The following NAALADL2 variants were observed in gnomAD, a reference collection of about 807,000 sequenced individuals.
The protein encoded by NAALADL2 is N-acetylated alpha-linked acidic dipeptidase like 2.
In NAALADL2, 76 loss-of-function variants were observed where a neutral mutation model predicts 87.2. The observed-to-expected ratio is 0.87, with a 90% confidence interval of 0.72 to 1.05. The LOEUF is 1.05. Among genes scored for constraint, NAALADL2 ranks in the 50% least tolerant of loss-of-function variants. The pLI, the probability that NAALADL2 is intolerant of heterozygous loss-of-function variation, is 0.00. For missense variants in NAALADL2, 1,089 were observed against 945.8 expected, an observed-to-expected ratio of 1.15 and a Z score of -1.99; for synonymous variants, 354 against 331.0, an observed-to-expected ratio of 1.07 and a Z score of -0.75.
At chr3:174,450,914 G>A (rs1416144929) in intron 1 of NAALADL2, among the ~76,000 whole-genome samples, 1 of 151,050 alleles carries the variant, frequency 6.6e-6, no homozygotes, top group African/African-American at 2.4e-5. Flanking sequence ...AAAAGACTGG[G>A]AGGGTCAGTT....
chr3:175,268,861 C>A (rs1752371566), intron 4 of NAALADL2, among the ~76,000 whole-genome samples: 1 of 152,058 alleles, frequency 6.6e-6, no homozygotes, highest in African/African-American at 2.4e-5. Context: ...ATGGAGCTGT[C>A]ATCTCCTATG....
intron 1 of NAALADL2, among the ~76,000 whole-genome samples, chr3:175,029,725 A>T (rs1467159173): frequency 6.6e-6 from 1 of 151,988 alleles, no homozygotes; most frequent in Non-Finnish European, 1.5e-5. Flanking sequence ...AGAGAATAAT[A>T]CTCAGACACA....
At chr3:175,109,549 A>G (rs1723822621) in intron 2 of NAALADL2, among the ~76,000 whole-genome samples, 1 of 151,858 alleles carries the variant, frequency 6.6e-6, no homozygotes, top group East Asian at 1.9e-4. Flanking sequence ...AAGGAAGGAA[A>G]GAAAGAAGAG....
In NAALADL2 at chr3:174,882,616, T is replaced by C. The variant is rs62637869; in HGVS notation, c.43+23166T>C. Among the ~76,000 whole-genome samples, 31 of 146,574 alleles carry C rather than the reference T, an allele frequency of 2.1e-4. No individual in the cohort carries two copies. In the East Asian group the frequency reaches 6.2e-3, roughly 29 times the overall value. ...GTATATACACATACATATATGTGCA[T>C]ATGCATATATGTGCATATACACATA... is the stretch of plus-strand genomic sequence containing the variant. On this transcript the variant is annotated intron_variant, in intron 1 of 13. Transcript: ENST00000454872.
intron 2 of NAALADL2, among the ~76,000 whole-genome samples, chr3:174,714,204 C>A (rs1225600259): frequency 6.6e-6 from 1 of 152,058 alleles, no homozygotes; most frequent in South Asian, 2.1e-4. Flanking sequence ...TTTACTGTAG[C>A]CTTGTAGTAT....
chr3:174,588,408 C>T (rs901657671), intron 2 of NAALADL2, among the ~76,000 whole-genome samples: 5 of 152,126 alleles, frequency 3.3e-5, no homozygotes, highest in Admixed American at 6.5e-5. Flanking sequence ...AGCTTTGTTC[C>T]GTTGCTGGTG....
intron 2 of NAALADL2, among the ~76,000 whole-genome samples, chr3:174,643,001 T>G (rs2108736640): frequency 6.6e-6 from 1 of 152,088 alleles, no homozygotes; most frequent in Admixed American, 6.5e-5. Flanking sequence ...AGCCTGGTCT[T>G]GAACTCCTGG....
At chr3:175,573,158 A>G (rs140497779) in intron 9 of NAALADL2, among the ~76,000 whole-genome samples, 1 of 152,214 alleles carries the variant, frequency 6.6e-6, no homozygotes, top group Non-Finnish European at 1.5e-5. Context: ...TTTTCTGTTG[A>G]GAAAAAAATT....
At chr3:174,595,301 C>G (rs1311767124) in intron 2 of NAALADL2, among the ~76,000 whole-genome samples, 3 of 152,036 alleles carry the variant, frequency 2.0e-5, no homozygotes, top group East Asian at 1.9e-4. Context: ...CTCCCTTTCT[C>G]TCTGTCTTAT....
At chr3:174,783,333 G>C (rs1716222461) in intron 3 of NAALADL2, among the ~76,000 whole-genome samples, 1 of 151,980 alleles carries the variant, frequency 6.6e-6, no homozygotes, top group African/African-American at 2.4e-5. Context: ...AGTCTTTTTT[G>C]AATTTCTGTT....
intron 2 of NAALADL2, among the ~76,000 whole-genome samples, chr3:175,168,971 A>G (rs764044672): frequency 1.5e-4 from 23 of 151,902 alleles, no homozygotes; most frequent in Non-Finnish European, 2.5e-4. Context: ...GAAGAGCAAA[A>G]CAGGATAGCT....
intron 2 of NAALADL2, among the ~76,000 whole-genome samples, chr3:175,227,890 A>C (rs1158405408): frequency 6.6e-6 from 1 of 151,956 alleles, no homozygotes; most frequent in Non-Finnish European, 1.5e-5. Context: ...AAACTTGATA[A>C]ATTTAAAATA....
intron 1 of NAALADL2, among the ~76,000 whole-genome samples, chr3:174,521,960 G>C (rs546195413): frequency 5.9e-5 from 9 of 151,976 alleles, no homozygotes; most frequent in Non-Finnish European, 1.2e-4. Context: ...ATAGCCAGGC[G>C]TGGTGGCATG....
At position 175,461,452 on chromosome 3, in the gene NAALADL2, A is replaced by G. The variant is rs574542617; in HGVS notation, c.1235-1949A>G. Among the ~76,000 whole-genome samples the G allele has an allele frequency of 3.3e-5, 5 of 152,290 alleles. No individual in the cohort carries two copies. The East Asian group carries it at 9.7e-4, about 29-fold the overall frequency. On this transcript the variant is annotated intron_variant, in intron 6 of 13. Transcript: ENST00000454872. ...AGTCCCCACTTGACCCAGGAATTCC[A>G]GCTGGCTTCACCTCTCAATCCCCCC...
chr3:174,973,385 T>C (rs888021197), intron 1 of NAALADL2, among the ~76,000 whole-genome samples: 2 of 152,212 alleles, frequency 1.3e-5, no homozygotes, highest in African/African-American at 2.4e-5. Flanking sequence ...GTCAGTCTTA[T>C]TAAAATTGAG....
intron 1 of NAALADL2, among the ~76,000 whole-genome samples, chr3:175,078,710 C>A (rs2109216267): frequency 6.6e-6 from 1 of 152,306 alleles, no homozygotes; most frequent in Admixed American, 6.5e-5. Context: ...TGACTGACTT[C>A]TTTCACGTAG....
At chr3:174,887,767 G>T (rs982628595) in intron 1 of NAALADL2, among the ~76,000 whole-genome samples, 2 of 151,540 alleles carry the variant, frequency 1.3e-5, no homozygotes, top group African/African-American at 2.4e-5. Context: ...CTGTTCTCCA[G>T]CTTGGGCAAC....
At chr3:175,797,309 A>G (rs2184212) in intron 13 of NAALADL2, among the ~76,000 whole-genome samples, 16,025 of 152,176 alleles carry the variant, frequency 0.11, 1,144 homozygotes, top group Non-Finnish European at 0.16. Flanking sequence ...AACTACTAAA[A>G]TGATTTCAAT....
At chr3:175,169,842 G>A (rs1734540933) in intron 2 of NAALADL2, among the ~76,000 whole-genome samples, 1 of 151,752 alleles carries the variant, frequency 6.6e-6, no homozygotes, top group Non-Finnish European at 1.5e-5. Flanking sequence ...TATTTGTTAA[G>A]TTTCTGATAT....
Sources: allele counts gnomAD v4.1 joint callset (sites outside exome capture counted in the v4.1 genomes callset), GRCh38; gene constraint gnomAD v4.1.1; transcripts MANE v1.5; gene names NCBI Gene and HGNC (gene_info 2026-07-23, HGNC 2026-07-21).